DNTTIP2: variants seen among roughly 807,000 people sequenced by gnomAD.
The protein encoded by DNTTIP2 is deoxynucleotidyltransferase terminal-interacting protein 2.
Under a neutral mutation model 62.4 loss-of-function variants are expected in DNTTIP2, and 47 were observed. That is an observed-to-expected ratio of 0.75 (90% CI 0.60 to 0.96). DNTTIP2 has a LOEUF of 0.96. DNTTIP2 is among the 40% of genes least tolerant of loss of function. The pLI is 0.00. For missense variants in DNTTIP2, 870 were observed against 849.1 expected (o/e 1.02, Z -0.31); for synonymous variants, 322 against 300.9 (o/e 1.07, Z -0.73).
rs759593763 is a variant in DNTTIP2, at chr1:93,866,815, T to C, written c.*3036A>G. The C allele has an allele frequency of 6.6e-6, 1 of 152,208 alleles. No homozygotes were observed. The highest frequency in any genetic ancestry group is 1.5e-5 in the Non-Finnish European group (1 of 68,060). 9.4% of individuals were successfully genotyped at this position (152,208 alleles called of 1,614,324 possible). A position where few individuals can be genotyped will look rare whatever the true frequency, so the allele number is the denominator to read the frequency against. On this transcript the variant is annotated 3_prime_UTR_variant, in exon 7 of 7. Coordinates refer to ENST00000436063, the MANE Select transcript of DNTTIP2 (RefSeq NM_014597.5). ...AAGAACCTAGCCCAGAGCCCAACTT[T>C]ATCAACTGTAGTCTTACAGCATCTA... is the stretch of plus-strand genomic sequence containing the variant.
intron 2 of DNTTIP2, among the ~76,000 whole-genome samples, 193 bp from the exon 3 acceptor site, chr1:93,875,976 A>G (rs372989592): frequency 6.6e-6 from 1 of 150,560 alleles, no homozygotes; most frequent in Non-Finnish European, 1.5e-5. Context: ...ATTTTATTTT[A>G]TTTTTTGAGA....
chr1:93,878,755 TG>T (rs1473268727), intron 1 of DNTTIP2: 1 of 230,660 alleles, frequency 4.3e-6, no homozygotes, highest in African/African-American at 2.3e-5. Context: ...TTGTGCATGG[TG>T]GCCGAAATTA....
At position 93,876,735 on chromosome 1, in the gene DNTTIP2, T is replaced by A. The variant is rs759580353; in HGVS notation, c.1200A>T (p.Glu400Asp). 1 of 1,614,024 alleles carries A rather than the reference T, an allele frequency of 6.2e-7. No homozygotes were observed. Among genetic ancestry groups the A allele is most frequent in the Non-Finnish European group, 8.5e-7 (1 of 1,179,884 alleles). The change falls in exon 2 of 7, where the codon GAA becomes GAT. Residue 400 changes from glutamate (E) to aspartate (D), a missense_variant. Transcript: ENST00000436063. Reference sequence around the variant, plus strand: ...TGACACTTATAACTGTGGACTCTTCTTCATCATCACTACCACCACAATCAC... The same window carrying A: ...TGACACTTATAACTGTGGACTCTTCATCATCATCACTACCACCACAATCAC... ...KFGDCGGSDD[E>D]EESTVISVSE...
At position 93,876,529 on chromosome 1, in the gene DNTTIP2, C is replaced by G. The variant is rs1399760249; in HGVS notation, c.1406G>C (p.Ser469Thr). Residue 469 changes from serine (S) to threonine (T), a missense_variant, in exon 2 of 7, where the codon AGT becomes ACT. By Grantham distance (58) the Ser-to-Thr change is moderately conservative. Coordinates refer to ENST00000436063, the MANE Select transcript of DNTTIP2 (RefSeq NM_014597.5). ...TCCACTTAATGACTCCCTTTGGCCACTATTTTCAACAAAACATAAAGTATC... is the reference window on the plus strand; with the variant it reads ...TCCACTTAATGACTCCCTTTGGCCAGTATTTTCAACAAAACATAAAGTATC... ...EEDTLCFVEN[S>T]GQRESLSGDT... The G allele has an allele frequency of 6.2e-7, 1 of 1,614,004 alleles. No individual in the cohort carries two copies. The highest frequency in any genetic ancestry group is 1.1e-5 in the South Asian group (1 of 91,084).
At chr1:93,870,905 C>A in intron 5 of DNTTIP2, 113 bp from the exon 6 acceptor site, 3 of 474,784 alleles carry the variant, frequency 6.3e-6, no homozygotes, top group East Asian at 3.4e-5. Context: ...GCTTACATTA[C>A]ACTAATAGTA....
Position 93,876,911 on chromosome 1 carries a change from G to T in DNTTIP2, c.1024C>A (p.Pro342Thr). Residue 342 changes from proline to threonine, a missense_variant, in exon 2 of 7, where the codon CCC becomes ACC. Physicochemically the swap from Pro to Thr is conservative, Grantham distance 38. Transcript: ENST00000436063. ...QQLVSQRHST[P>T]QNKNAVSVHS... ...ACTGATACAGCATTTTTATTTTGGG[G>T]GGTTGAATGTCTCTGAGAAACTAAC... 6.2e-7 allele frequency: 1 copy of T among 1,613,760 alleles called. No individual in the cohort carries two copies. The highest frequency in any genetic ancestry group is 1.1e-5 in the South Asian group (1 of 91,038).
In DNTTIP2 at chr1:93,877,388, T is replaced by C. The variant is rs373417703; in HGVS notation, c.547A>G (p.Ile183Val). The change falls in exon 2 of 7, where the codon ATA (isoleucine) becomes GTA (valine). Residue 183 changes from isoleucine (I) to valine (V), a missense_variant. Coordinates refer to ENST00000436063, the MANE Select transcript of DNTTIP2 (RefSeq NM_014597.5). The part of the protein sequence containing the change: ...DPSQESHTEA[I>V]SDAETSSSDI... ...GAGCTTGATGTCTCAGCATCAGATA[T>C]AGCTTCTGTATGAGATTCTTGGCTT... 7 of 1,613,758 alleles carry C rather than the reference T, an allele frequency of 4.3e-6. No individual in the cohort carries two copies. The highest frequency in any genetic ancestry group is 4.0e-5 in the African/African-American group (3 of 74,960).
chr1:93,874,309 A>G (rs1053655096), intron 3 of DNTTIP2, among the ~76,000 whole-genome samples: 2 of 152,200 alleles, frequency 1.3e-5, no homozygotes, highest in Admixed American at 1.3e-4. Context: ...TATGCACGGA[A>G]CATCTCACAA....
chr1:93,877,197 A>G lies in DNTTIP2; in HGVS notation c.738T>C (p.His246=). The stretch of plus-strand genomic sequence containing the variant: ...TCTCAGAAAGAGATCTTGCTTGTAA[A>G]TGGGAAGTTTGTCTGGTATCTGAAT... ...SEDSDTRQTS[H]LQARSLSEIN... Residue 246 remains histidine, a synonymous_variant, in exon 2 of 7, where the codon CAT becomes CAC. Coordinates refer to ENST00000436063, the MANE Select transcript of DNTTIP2 (RefSeq NM_014597.5). The G allele has an allele frequency of 6.2e-7, 1 of 1,613,846 alleles. No individual in the cohort carries two copies. Among genetic ancestry groups the G allele is most frequent in the Non-Finnish European group, 8.5e-7 (1 of 1,179,888 alleles).
chr1:93,873,330 C>T (rs964520957), intron 3 of DNTTIP2, 116 bp from the exon 4 acceptor site: 4 of 708,352 alleles, frequency 5.6e-6, no homozygotes, highest in Admixed American at 5.3e-5. Flanking sequence ...GTGGCTCACA[C>T]CTATAATCCT....
chr1:93,867,642 A>G lies in DNTTIP2; in HGVS notation c.*2209T>C, dbSNP rs1355980897. 6.6e-6 allele frequency: 1 copy of G among 152,084 alleles called. No individual in the cohort carries two copies. Among genetic ancestry groups the G allele is most frequent in the East Asian group, 1.9e-4 (1 of 5,192 alleles). The allele number at this position is 152,084 out of a possible 1,614,324, so 9.4% of individuals were successfully genotyped here. A position where few individuals can be genotyped will look rare whatever the true frequency, so the allele number is the denominator to read the frequency against. ...TTTAGTGACACAGGCCAAAGTCAGT[A>G]AAACCTGTTTCTCAAAAGACTTGCT... is the stretch of plus-strand genomic sequence containing the variant. On this transcript the variant is annotated 3_prime_UTR_variant, in exon 7 of 7. Coordinates refer to ENST00000436063, the MANE Select transcript of DNTTIP2 (RefSeq NM_014597.5).
intron 6 of DNTTIP2, 28 bp downstream of exon 6, chr1:93,870,655 A>G: frequency 7.6e-7 from 1 of 1,318,492 alleles, no homozygotes; most frequent in South Asian, 1.5e-5. Context: ...AAGTATACAT[A>G]TTATAAAATA....
Position 93,876,741 on chromosome 1 carries a change from A to G in DNTTIP2, c.1194T>C (p.Asp398=), listed in dbSNP as rs1232197163. ...LTKFGDCGGS[D]DEEESTVISV... ...TTATAACTGTGGACTCTTCTTCATC[A>G]TCACTACCACCACAATCACCAAACT... Residue 398 remains aspartate (D), a synonymous_variant, in exon 2 of 7, where the codon GAT becomes GAC. Coordinates refer to ENST00000436063, the MANE Select transcript of DNTTIP2 (RefSeq NM_014597.5). The G allele has an allele frequency of 6.2e-7, 1 of 1,613,986 alleles. No individual in the cohort carries two copies. The highest frequency in any genetic ancestry group is 1.3e-5 in the African/African-American group (1 of 75,044).
intron 3 of DNTTIP2, 70 bp from the exon 4 acceptor site, chr1:93,873,284 T>C: frequency 1.6e-6 from 2 of 1,267,206 alleles, no homozygotes; most frequent in Non-Finnish European, 2.2e-6. Flanking sequence ...AGTTTAAACT[T>C]CTGTAAGTTT....
chr1:93,871,363 A>G (rs1164488149), intron 5 of DNTTIP2, among the ~76,000 whole-genome samples: 1 of 152,256 alleles, frequency 6.6e-6, no homozygotes, highest in Non-Finnish European at 1.5e-5. Flanking sequence ...ACATGTGCTG[A>G]ACAAAACACT....
At position 93,876,577 on chromosome 1, in the gene DNTTIP2, G is replaced by A; in HGVS notation, c.1358C>T (p.Ser453Phe). The A allele has an allele frequency of 6.2e-7, 1 of 1,613,972 alleles. No homozygotes were observed. The highest frequency in any genetic ancestry group is 8.5e-7 in the Non-Finnish European group (1 of 1,179,894). Residue 453 changes from serine to phenylalanine, a missense_variant, in exon 2 of 7, where the codon TCT (serine) becomes TTT (phenylalanine). By Grantham distance (155) the Ser-to-Phe change is radical. Coordinates refer to ENST00000436063, the MANE Select transcript of DNTTIP2 (RefSeq NM_014597.5). The part of the protein sequence containing the change: ...LVLSSDESQQ[S>F]ENSENEEDTL... The stretch of plus-strand genomic sequence containing the variant: ...ATCCTCTTCATTCTCACTGTTTTCA[G>A]ACTGTTGGCTTTCATCACTGCTGAG...
At chr1:93,878,848 A>C (rs949729202) in intron 1 of DNTTIP2, 1 of 543,962 alleles carries the variant, frequency 1.8e-6, no homozygotes, top group Non-Finnish European at 3.2e-6. Flanking sequence ...GACCCAAATA[A>C]AGTTATCTAA....
At position 93,877,777 on chromosome 1, in the gene DNTTIP2, C is replaced by T. The variant is rs779294367; in HGVS notation, c.158G>A (p.Gly53Glu). 6.2e-7 allele frequency: 1 copy of T among 1,611,672 alleles called. No individual in the cohort carries two copies. Among genetic ancestry groups the T allele is most frequent in the Non-Finnish European group, 8.5e-7 (1 of 1,179,872 alleles). ...AGTTCTAGGGATTAAACTTTGCTTC[C>T]CAGTGGTCTGTGATTCAGCAGTAGT... The part of the protein sequence containing the change: ...ARTTAESQTT[G>E]KQSLIPRTPK... Residue 53 changes from glycine (G) to glutamate (E), a missense_variant, in exon 2 of 7, where the codon GGG becomes GAG. Gly to Glu is a moderately conservative substitution (Grantham distance 98). Transcript: ENST00000436063.
chr1:93,872,786 A>G (rs905759009), intron 4 of DNTTIP2, among the ~76,000 whole-genome samples: 2 of 152,140 alleles, frequency 1.3e-5, no homozygotes, highest in Non-Finnish European at 2.9e-5. Context: ...AGGGTGCTCC[A>G]TATTACAGTA....
Sources: gnomAD v4.1 joint callset for allele counts (sites outside exome capture counted in the v4.1 genomes callset) on GRCh38, gnomAD v4.1.1 for gene constraint, MANE v1.5 for transcripts, NCBI Gene and HGNC (gene_info 2026-07-23, HGNC 2026-07-21) for gene names.